The following ATRIP variants were observed in gnomAD, a reference collection of about 807,000 sequenced individuals.
ATRIP encodes ATR interacting protein, also known as ATR-interacting protein.
Under a neutral mutation model 78.1 loss-of-function variants are expected in ATRIP, and 44 were observed. The ratio of observed to expected loss-of-function variants is 0.56; its 90% CI spans 0.44 to 0.72. ATRIP has a LOEUF of 0.72. Among genes scored for constraint, ATRIP ranks in the 30% least tolerant of loss-of-function variants. The pLI, the probability that ATRIP is intolerant of heterozygous loss-of-function variation, is 0.00. For missense variants in ATRIP, 927 were observed against 980.2 expected, an observed-to-expected ratio of 0.95 and a Z score of 0.72; for synonymous variants, 388 against 408.9, an observed-to-expected ratio of 0.95 and a Z score of 0.62.
In ATRIP at chr3:48,459,371, A is replaced by G. The variant is rs891126440; in HGVS notation, c.842A>G (p.His281Arg). Residue 281 changes from histidine to arginine, a missense_variant, in exon 6 of 13, where the codon CAC (histidine) becomes CGC (arginine). His to Arg is a conservative substitution (Grantham distance 29). Transcript: ENST00000320211. ...PLVGREDSKP[H>R]SLRGDSIKQE... ...TATCACATTTCAGATAGTAAGCCCC[A>G]CAGTCTGAGAGGTGACTCCATAAAA... 12 of 1,613,862 alleles carry G rather than the reference A, an allele frequency of 7.4e-6. No homozygotes were observed. The highest frequency in any genetic ancestry group is 9.3e-6 in the Non-Finnish European group (11 of 1,179,872).
Position 48,466,864 on chromosome 3 carries a change from G to A in ATRIP, c.*1310G>A. On this transcript the variant is annotated 3_prime_UTR_variant, in exon 13 of 13. Transcript: ENST00000320211. Reference sequence around the variant, plus strand: ...CGTGTGGTAGACAAGCTCTCCCTGTGTGTGGCTCCGGGGAAGGCCTGCAGC... The same window carrying A: ...CGTGTGGTAGACAAGCTCTCCCTGTATGTGGCTCCGGGGAAGGCCTGCAGC... 6.2e-7 allele frequency: 1 copy of A among 1,613,664 alleles called. No homozygotes were observed. Among genetic ancestry groups the A allele is most frequent in the Non-Finnish European group, 8.5e-7 (1 of 1,180,028 alleles).
At position 48,451,997 on chromosome 3, in the gene ATRIP, T is replaced by C. The variant is rs938421044; in HGVS notation, c.552+98T>C. The C allele has an allele frequency of 1.8e-5, 22 of 1,216,870 alleles. No homozygotes were observed. In the Admixed American group the frequency reaches 4.8e-4, roughly 27 times the overall value. 75.4% of individuals were successfully genotyped at this position (1,216,870 alleles called of 1,614,324 possible). A position where few individuals can be genotyped will look rare whatever the true frequency, so the allele number is the denominator to read the frequency against. On this transcript the variant is annotated intron_variant, in intron 3 of 12. Transcript: ENST00000320211. ...TCTTCCAGGGAGATTTCAACACTTGTTTGTCTTAAATACTTTCTGCTATCA... is the reference window on the plus strand; with the variant it reads ...TCTTCCAGGGAGATTTCAACACTTGCTTGTCTTAAATACTTTCTGCTATCA...
chr3:48,460,613 G>A lies in ATRIP; in HGVS notation c.1559G>A (p.Gly520Glu), dbSNP rs1311300125. 6.2e-7 allele frequency: 1 copy of A among 1,614,072 alleles called. No individual in the cohort carries two copies. The highest frequency in any genetic ancestry group is 1.3e-5 in the African/African-American group (1 of 74,916). The change falls in exon 8 of 13, where the codon GGA becomes GAA. Residue 520 changes from glycine to glutamate, a missense_variant. Gly to Glu is a moderately conservative substitution (Grantham distance 98). Coordinates refer to ENST00000320211, the MANE Select transcript of ATRIP (RefSeq NM_130384.3). ...NRSLVHRLSD[G>E]DMTSALRGVA... ...AGCCTGGTTCACAGGCTTAGTGATG[G>A]AGATATGACCTCAGCCCTAAGGGGG... is the stretch of plus-strand genomic sequence containing the variant.
chr3:48,461,164 T>C (rs1486132010), intron 8 of ATRIP, among the ~76,000 whole-genome samples: 1 of 152,180 alleles, frequency 6.6e-6, no homozygotes, highest in Admixed American at 6.6e-5. Flanking sequence ...AGTTTAGTGG[T>C]TTCCCTAAGG....
chr3:48,453,138 C>G (rs1045615050), intron 3 of ATRIP, among the ~76,000 whole-genome samples: 8 of 152,160 alleles, frequency 5.3e-5, no homozygotes, highest in African/African-American at 1.7e-4. Flanking sequence ...CCCACCTTGG[C>G]CTTCCAAAGT....
chr3:48,450,021 G>C lies in ATRIP; in HGVS notation c.248-16G>C, dbSNP rs996963848. ...AATATTGGGTCCTGAAATGTATATG[G>C]AACTATTTTTTACAGGTGATCATAA... On this transcript the variant is annotated splice_polypyrimidine_tract_variant and intron_variant, in intron 1 of 12. Transcript: ENST00000320211. 1.2e-6 allele frequency: 2 copies of C among 1,601,136 alleles called. No individual in the cohort carries two copies. Among genetic ancestry groups the C allele is most frequent in the Non-Finnish European group, 1.7e-6 (2 of 1,175,728 alleles).
In ATRIP at chr3:48,457,381, C is replaced by T. The variant is rs919387242; in HGVS notation, c.794C>T (p.Thr265Met). The change falls in exon 5 of 13, where the codon ACG (threonine) becomes ATG (methionine). Residue 265 changes from threonine to methionine, a missense_variant. Coordinates refer to ENST00000320211, the MANE Select transcript of ATRIP (RefSeq NM_130384.3). Reference protein sequence around the residue: ...ANMSLPHPCQTESGYKPLVGR... With the variant: ...ANMSLPHPCQMESGYKPLVGR... ...ATGTCCCTTCCCCACCCCTGCCAGA[C>T]GGAGTCAGGATACAAGCCTCTGGTG... 1.0e-5 allele frequency: 16 copies of T among 1,595,890 alleles called. No individual in the cohort carries two copies. The highest frequency in any genetic ancestry group is 4.1e-5 in the African/African-American group (3 of 73,782).
rs546599226 is a variant in ATRIP at position 48,463,699 on chromosome 3, G to A, written c.1746-46G>A. 19 of 1,610,880 alleles carry A rather than the reference G, an allele frequency of 1.2e-5. 1 individual carries two copies. In the South Asian group the frequency reaches 1.7e-4, roughly 14 times the overall value. On this transcript the variant is annotated intron_variant, in intron 8 of 12. Transcript: ENST00000320211. ...GTGGAGTGTGAAGGTAGGTTATGGA[G>A]CTGGGGTTGGGGAGTGTCACGTCTC...
chr3:48,454,527 G>A, intron 4 of ATRIP, 109 bp downstream of exon 4: 1 of 708,678 alleles, frequency 1.4e-6, no homozygotes. Flanking sequence ...CCTCCACCTG[G>A]GCAGAGATCC....
At chr3:48,447,642 C>T in intron 1 of ATRIP, 3 of 674,072 alleles carry the variant, frequency 4.5e-6, no homozygotes, top group Non-Finnish European at 5.5e-6. Context: ...CTTCATGGAG[C>T]TTACATTCTA....
chr3:48,452,054 T>C (rs1175858829), intron 3 of ATRIP, among the ~76,000 whole-genome samples, 155 bp downstream of exon 3: 1 of 152,244 alleles, frequency 6.6e-6, no homozygotes, highest in Non-Finnish European at 1.5e-5. Context: ...TTCCAGGGTC[T>C]GGATATATTT....
intron 10 of ATRIP, among the ~76,000 whole-genome samples, 162 bp from the exon 11 acceptor site, chr3:48,464,420 T>C (rs1191600733): frequency 6.6e-6 from 1 of 152,200 alleles, no homozygotes; most frequent in Admixed American, 6.5e-5. Flanking sequence ...CATGAGTGCT[T>C]GTCCTGGGTC....
rs1161307485 is a variant in ATRIP at position 48,446,869 on chromosome 3, C to G, written c.24C>G (p.Gly8=). Residue 8 remains glycine, a synonymous_variant, in exon 1 of 13, where the codon GGC becomes GGG. Coordinates refer to ENST00000320211, the MANE Select transcript of ATRIP (RefSeq NM_130384.3). ...GCATGGCGGGGACCTCCGCGCCAGG[C>G]AGCAAGAGGCGGAGCGAGCCCCCGG... is the stretch of plus-strand genomic sequence containing the variant. The part of the protein sequence containing the change: MAGTSAP[G]SKRRSEPPAP... The G allele has an allele frequency of 9.3e-6, 13 of 1,401,420 alleles. No homozygotes were observed. Among genetic ancestry groups the G allele is most frequent in the Middle Eastern group, 5.2e-4 (2 of 3,822 alleles). The allele number at this position is 1,401,420 out of a possible 1,614,324, so 86.8% of individuals were successfully genotyped here. A position where few individuals can be genotyped will look rare whatever the true frequency, so the allele number is the denominator to read the frequency against.
chr3:48,449,967 T>G, intron 1 of ATRIP, 70 bp from the exon 2 acceptor site: 1 of 1,497,954 alleles, frequency 6.7e-7, no homozygotes, highest in Non-Finnish European at 9.0e-7. Context: ...AAAGTGGGTA[T>G]TTTCAGCATT....
rs979466532 is a variant in ATRIP at position 48,466,399 on chromosome 3, G to T, written c.*845G>T. On this transcript the variant is annotated 3_prime_UTR_variant, in exon 13 of 13. Coordinates refer to ENST00000320211, the MANE Select transcript of ATRIP (RefSeq NM_130384.3). Reference sequence around the variant, plus strand: ...CTAAGGGGGCACTAGGGGAGGGGCCGAGTCATGTGAAGAGGGAGACCCTCT... The same window carrying T: ...CTAAGGGGGCACTAGGGGAGGGGCCTAGTCATGTGAAGAGGGAGACCCTCT... 7 of 1,574,494 alleles carry T rather than the reference G, an allele frequency of 4.4e-6. No individual in the cohort carries two copies. Among genetic ancestry groups the T allele is most frequent in the Non-Finnish European group, 6.1e-6 (7 of 1,149,728 alleles).
Position 48,449,413 on chromosome 3 carries a change from C to CAAAAAAAAAAAAAAAAA in ATRIP, c.248-619_248-603dup, listed in dbSNP as rs1297709851. On this transcript the variant is annotated intron_variant, in intron 1 of 12. Coordinates refer to ENST00000320211, the MANE Select transcript of ATRIP (RefSeq NM_130384.3). ...TGGGCAACAGAGCGAGACTCTGTCT[C>CAAAAAAAAAAAAAAAAA]AAAAAAAAAAAAAAAAAAAAAGAAG... Among the ~76,000 whole-genome samples the CAAAAAAAAAAAAAAAAA allele has an allele frequency of 1.2e-4, 7 of 60,102 alleles. 1 individual carries two copies. The highest frequency in any genetic ancestry group is 5.8e-4 in the African/African-American group (7 of 12,112). 39.4% of individuals were successfully genotyped at this position (60,102 alleles called of 152,430 possible).
At chr3:48,465,385 G>C in intron 12 of ATRIP, 102 bp from the exon 13 acceptor site, 1 of 1,201,482 alleles carries the variant, frequency 8.3e-7, no homozygotes, top group Non-Finnish European at 1.2e-6. Flanking sequence ...GGTGTGGAAG[G>C]GACTGGTTAG....
At position 48,466,976 on chromosome 3, in the gene ATRIP, G is replaced by A. The variant is rs771553021; in HGVS notation, c.*1422G>A. On this transcript the variant is annotated 3_prime_UTR_variant, in exon 13 of 13. Transcript: ENST00000320211. ...GTTTTGATGACAACCTGGCCAACCT[G>A]CTCCTAGCCTTCCTGCGGCGCCAGC... The A allele has an allele frequency of 6.2e-7, 1 of 1,612,834 alleles. No individual in the cohort carries two copies.
Position 48,467,349 on chromosome 3 carries a change from A to G in ATRIP, c.*1795A>G, listed in dbSNP as rs2040371837. The G allele has an allele frequency of 1.9e-6, 3 of 1,614,170 alleles. No homozygotes were observed. Among genetic ancestry groups the G allele is most frequent in the African/African-American group, 2.7e-5 (2 of 75,060 alleles). ...CAGGCCTTTCGGCACCATCAGGCCCATGTATGGGGTCACAGCCTCTGCTAG... is the reference window on the plus strand; with the variant it reads ...CAGGCCTTTCGGCACCATCAGGCCCGTGTATGGGGTCACAGCCTCTGCTAG... On this transcript the variant is annotated 3_prime_UTR_variant, in exon 13 of 13. Coordinates refer to ENST00000320211, the MANE Select transcript of ATRIP (RefSeq NM_130384.3).
Sources: allele counts gnomAD v4.1 joint callset (sites outside exome capture counted in the v4.1 genomes callset), GRCh38; gene constraint gnomAD v4.1.1; transcripts MANE v1.5; gene names NCBI Gene and HGNC (gene_info 2026-07-23, HGNC 2026-07-21).